KIF13A: variants seen among roughly 807,000 people sequenced by gnomAD.
The protein encoded by KIF13A is kinesin-like protein KIF13A.
KIF13A carries 79 observed loss-of-function variants against 212.2 expected under a neutral mutation model. The ratio of observed to expected loss-of-function variants is 0.37; its 90% confidence interval spans 0.31 to 0.45. KIF13A has a LOEUF of 0.45. Ranked by LOEUF, KIF13A falls within the 20% of genes least tolerant of loss-of-function variation. The pLI, the probability that KIF13A is intolerant of heterozygous loss-of-function variation, is 1.00. For missense variants in KIF13A, 1,901 were observed against 2,209.0 expected (o/e 0.86, Z 2.79); for synonymous variants, 789 against 808.6 (o/e 0.98, Z 0.41).
chr6:17,840,527 A>G lies in KIF13A; in HGVS notation c.831-2944T>C, dbSNP rs376688624. Among the ~76,000 whole-genome samples, 7 of 152,196 alleles carry G rather than the reference A, an allele frequency of 4.6e-5. No individual in the cohort carries two copies. The East Asian group carries it at 1.2e-3, about 25-fold the overall frequency. On this transcript the variant is annotated intron_variant, in intron 9 of 38. Coordinates refer to ENST00000259711, the MANE Select transcript of KIF13A (RefSeq NM_022113.6). ...AAAGAGTTCAGTGACTTAAAAGTCA[A>G]TATTAGTAACTTTATGGTTGACAGT...
At chr6:17,916,757 T>G (rs893969400) in intron 2 of KIF13A, among the ~76,000 whole-genome samples, 3 of 152,108 alleles carry the variant, frequency 2.0e-5, no homozygotes, top group Admixed American at 6.5e-5. Context: ...AATGGACAGG[T>G]TAAGAAATTT....
In KIF13A at chr6:17,987,473, G is replaced by A. The variant is rs2150659406; in HGVS notation, c.-10C>T. Reference sequence around the variant, plus strand: ...CCTTGGTATCCGACATGTTGGCTGCGCTCGCCCGGCCGCTCGCCGCGCCCG... The same window carrying A: ...CCTTGGTATCCGACATGTTGGCTGCACTCGCCCGGCCGCTCGCCGCGCCCG... On this transcript the variant is annotated 5_prime_UTR_variant, in exon 1 of 39. Transcript: ENST00000259711. This position sits in a 1 kb window ranked among gnomAD's most constrained non-coding sequence, Gnocchi z 7.7. 2.4e-6 allele frequency: 3 copies of A among 1,266,898 alleles called. No individual in the cohort carries two copies. Among genetic ancestry groups the A allele is most frequent in the East Asian group, 5.7e-5 (1 of 17,462 alleles). The allele number at this position is 1,266,898 out of a possible 1,614,324, so 78.5% of individuals were successfully genotyped here.
chr6:17,782,503 G>A (rs1581906053), intron 29 of KIF13A, among the ~76,000 whole-genome samples: 1 of 151,908 alleles, frequency 6.6e-6, no homozygotes, highest in African/African-American at 2.4e-5. Context: ...AGGCATGGTC[G>A]TGGGTGCCTG....
chr6:17,934,689 G>A lies in KIF13A; in HGVS notation c.147-36509C>T, dbSNP rs1348418445. 2.0e-5 allele frequency among the ~76,000 whole-genome samples: 3 copies of A among 151,808 alleles called. No homozygotes were observed. Among genetic ancestry groups the A allele is most frequent in the Admixed American group, 1.3e-4 (2 of 15,252 alleles). ...TGTGGTCTCACCTACTTGGGAGGCC[G>A]AGGTGGGAGGATCGCTTGAGCCCAG... On this transcript the variant is annotated intron_variant, in intron 2 of 38. Transcript: ENST00000259711. The surrounding 1 kb of genome is among the most constrained non-coding windows in gnomAD (Gnocchi z 5.4).
At chr6:17,805,423 T>C in intron 19 of KIF13A, 52 bp downstream of exon 19, 1 of 1,451,800 alleles carries the variant, frequency 6.9e-7, no homozygotes, top group Non-Finnish European at 9.6e-7. Context: ...AAATCGCTTA[T>C]ATTCTCTGTT....
intron 2 of KIF13A, among the ~76,000 whole-genome samples, chr6:17,980,227 G>C (rs1446688091): frequency 1.3e-5 from 2 of 152,178 alleles, no homozygotes; most frequent in African/African-American, 2.4e-5. Flanking sequence ...GTGGAATAAT[G>C]TCTTTAAAGT....
chr6:17,805,820 G>T (rs1049152080), intron 18 of KIF13A, among the ~76,000 whole-genome samples: 2 of 151,718 alleles, frequency 1.3e-5, no homozygotes, highest in East Asian at 1.9e-4. Context: ...TTTTTATCAC[G>T]ATCAAGACCA....
rs1038697089 is a variant in KIF13A, at chr6:17,811,435, A to T, written c.2001-2505T>A. Among the ~76,000 whole-genome samples, 3 of 152,224 alleles carry T rather than the reference A, an allele frequency of 2.0e-5. No homozygotes were observed. The highest frequency in any genetic ancestry group is 7.2e-5 in the African/African-American group (3 of 41,458). On this transcript the variant is annotated intron_variant, in intron 17 of 38. Coordinates refer to ENST00000259711, the MANE Select transcript of KIF13A (RefSeq NM_022113.6). The surrounding 1 kb of genome is among the most constrained non-coding windows in gnomAD (Gnocchi z 6.0). ...CAAATAACTATTAATATATAATCCT[A>T]ACGTTTCCTATTGTTGAATGAAACT...
At chr6:17,821,841 G>A (rs970794205) in intron 16 of KIF13A, 1 of 1,535,114 alleles carries the variant, frequency 6.5e-7, no homozygotes, top group African/African-American at 1.4e-5. Flanking sequence ...GAGGAAAGAG[G>A]ATCTTCAAAT....
Position 17,789,098 on chromosome 6 carries a change from A to G in KIF13A, c.3261+774T>C, listed in dbSNP as rs185756890. ...GAAGATGTGTATGGAGAATCCGTAC[A>G]AAGACTGGGAACCGAACCCAGAAAG... is the stretch of plus-strand genomic sequence containing the variant. On this transcript the variant is annotated intron_variant, in intron 26 of 38. Coordinates refer to ENST00000259711, the MANE Select transcript of KIF13A (RefSeq NM_022113.6). This position sits in a 1 kb window ranked among gnomAD's most constrained non-coding sequence, Gnocchi z 4.8. 1.9e-4 allele frequency among the ~76,000 whole-genome samples: 29 copies of G among 152,336 alleles called. No individual in the cohort carries two copies. Among genetic ancestry groups the G allele is most frequent in the African/African-American group, 6.5e-4 (27 of 41,578 alleles).
At chr6:17,940,124 C>T (rs6919167) in intron 2 of KIF13A, among the ~76,000 whole-genome samples, 5,308 of 150,828 alleles carry the variant, frequency 0.035, 318 homozygotes, top group African/African-American at 0.12. Context: ...GGAATTTACT[C>T]TATATGGAAG....
chr6:17,823,895 G>A (rs1483443737), intron 16 of KIF13A, among the ~76,000 whole-genome samples: 1 of 150,866 alleles, frequency 6.6e-6, no homozygotes, highest in African/African-American at 2.4e-5. Flanking sequence ...GAGCCACCAT[G>A]CCTGGCGTTT....
chr6:17,816,329 A>G lies in KIF13A; in HGVS notation c.2000+691T>C, dbSNP rs1463784129. Among the ~76,000 whole-genome samples the G allele has an allele frequency of 6.6e-6, 1 of 152,054 alleles. No homozygotes were observed. Among genetic ancestry groups the G allele is most frequent in the Non-Finnish European group, 1.5e-5 (1 of 67,982 alleles). On this transcript the variant is annotated intron_variant, in intron 17 of 38. Coordinates refer to ENST00000259711, the MANE Select transcript of KIF13A (RefSeq NM_022113.6). This position sits in a 1 kb window ranked among gnomAD's most constrained non-coding sequence, Gnocchi z 4.3. ...AGTGACCCTCCCTCCTAAGCCTCCC[A>G]AGTAGCTGGGATTATAGGCACCAGC... is the stretch of plus-strand genomic sequence containing the variant.
At chr6:17,944,951 A>G (rs1777259124) in intron 2 of KIF13A, among the ~76,000 whole-genome samples, 1 of 152,154 alleles carries the variant, frequency 6.6e-6, no homozygotes, top group Non-Finnish European at 1.5e-5. Context: ...TTTCTAAGCT[A>G]CAAGAAAACA....
chr6:17,784,167 C>A (rs1760845577), intron 28 of KIF13A, among the ~76,000 whole-genome samples: 1 of 152,166 alleles, frequency 6.6e-6, no homozygotes, highest in Non-Finnish European at 1.5e-5. Flanking sequence ...TGCCTGTAAT[C>A]CCAGCACTTT....
At chr6:17,879,648 A>G (rs558475379) in intron 3 of KIF13A, among the ~76,000 whole-genome samples, 1 of 152,314 alleles carries the variant, frequency 6.6e-6, no homozygotes, top group African/African-American at 2.4e-5. Context: ...TATTTGTTTG[A>G]CTGTCACTAG....
chr6:17,822,566 C>T (rs746208840), intron 16 of KIF13A, among the ~76,000 whole-genome samples: 2 of 152,058 alleles, frequency 1.3e-5, no homozygotes, highest in Non-Finnish European at 2.9e-5. Context: ...AATAAGGAAC[C>T]TGTGATCTCG....
chr6:17,802,824 C>T (rs1463074503), intron 20 of KIF13A, among the ~76,000 whole-genome samples: 1 of 151,944 alleles, frequency 6.6e-6, no homozygotes, highest in Non-Finnish European at 1.5e-5. Flanking sequence ...CTCACTGCTG[C>T]TTAGACCTAC....
chr6:17,977,314 C>T (rs1190095622), intron 2 of KIF13A, among the ~76,000 whole-genome samples: 1 of 152,144 alleles, frequency 6.6e-6, no homozygotes, highest in African/African-American at 2.4e-5. Flanking sequence ...AAATTATCAA[C>T]TTTTATCTTC....
Sources: allele counts gnomAD v4.1 joint callset (sites outside exome capture counted in the v4.1 genomes callset), GRCh38; gene constraint gnomAD v4.1.1; non-coding constraint Gnocchi (gnomAD v3.1); transcripts MANE v1.5; gene names NCBI Gene and HGNC (gene_info 2026-07-23, HGNC 2026-07-21).